Variants in COL25A1 observed in about 807,000 individuals in gnomAD.
COL25A1 encodes the protein collagen alpha-1(XXV) chain.
COL25A1 carries 103 observed loss-of-function variants against 128.4 expected under a neutral mutation model. The ratio of observed to expected loss-of-function variants is 0.80; its 90% CI spans 0.68 to 0.94. The LOEUF is 0.94. Ranked by LOEUF, COL25A1 falls within the 40% of genes least tolerant of loss-of-function variation. COL25A1 has a pLI of 0.00. For synonymous variants in COL25A1, 279 were observed against 277.2 expected, an observed-to-expected ratio of 1.01 and a Z score of -0.06; for missense variants, 745 against 840.0, an observed-to-expected ratio of 0.89 and a Z score of 1.40.
At chr4:108,853,577 T>C (rs1736092554) in intron 24 of COL25A1, among the ~76,000 whole-genome samples, 1 of 152,168 alleles carries the variant, frequency 6.6e-6, no homozygotes, top group Non-Finnish European at 1.5e-5. Flanking sequence ...GCACATTTGT[T>C]ACATAGGTAT....
At chr4:109,002,676 A>G (rs1226392330) in intron 6 of COL25A1, among the ~76,000 whole-genome samples, 2 of 152,210 alleles carry the variant, frequency 1.3e-5, no homozygotes, top group Non-Finnish European at 2.9e-5. Context: ...TGCACAATGT[A>G]TATGTATGTG....
At chr4:109,250,814 G>C (rs1780594509) in intron 3 of COL25A1, among the ~76,000 whole-genome samples, 1 of 152,142 alleles carries the variant, frequency 6.6e-6, no homozygotes, top group South Asian at 2.1e-4. Context: ...CTGTAGATCA[G>C]TCAGGTTGAC....
chr4:109,195,104 C>T (rs1233880340), intron 3 of COL25A1, among the ~76,000 whole-genome samples: 3 of 152,064 alleles, frequency 2.0e-5, no homozygotes, highest in South Asian at 2.1e-4. Flanking sequence ...TAGGTACCCA[C>T]AAAAATTTTT....
intron 3 of COL25A1, among the ~76,000 whole-genome samples, chr4:109,192,512 A>G (rs1034037595): frequency 2.6e-5 from 4 of 152,104 alleles, no homozygotes; most frequent in Admixed American, 6.6e-5. Context: ...AGTTAAAGTG[A>G]TGTCATGAGG....
intron 6 of COL25A1, among the ~76,000 whole-genome samples, chr4:108,979,064 G>A (rs1489261622): frequency 3.3e-5 from 5 of 152,054 alleles, no homozygotes; most frequent in Non-Finnish European, 7.4e-5. Context: ...ATTTATTTTA[G>A]GGCATTGTTG....
At chr4:108,850,809 A>C (rs1735679699) in intron 26 of COL25A1, among the ~76,000 whole-genome samples, 1 of 152,156 alleles carries the variant, frequency 6.6e-6, no homozygotes, top group African/African-American at 2.4e-5. Flanking sequence ...ATACACGAAT[A>C]GCAATTGGAT....
intron 3 of COL25A1, among the ~76,000 whole-genome samples, chr4:109,217,137 A>T (rs1392844299): frequency 1.3e-5 from 2 of 152,014 alleles, no homozygotes; most frequent in African/African-American, 4.8e-5. Context: ...GAAATAGACA[A>T]ATCTGACACT....
intron 3 of COL25A1, among the ~76,000 whole-genome samples, chr4:109,104,083 C>A (rs137897947): frequency 6.6e-6 from 1 of 152,072 alleles, no homozygotes; most frequent in East Asian, 1.9e-4. Context: ...TAGAAAATCA[C>A]TCTTTTTAGC....
intron 3 of COL25A1, among the ~76,000 whole-genome samples, chr4:109,094,736 A>C (rs1414942390): frequency 1.6e-4 from 24 of 152,212 alleles, no homozygotes; most frequent in Admixed American, 1.5e-3. Flanking sequence ...TTAGAATTTC[A>C]GACAATCAGT....
chr4:108,937,231 C>T (rs1037088145), intron 11 of COL25A1, among the ~76,000 whole-genome samples: 2 of 152,082 alleles, frequency 1.3e-5, no homozygotes, highest in Non-Finnish European at 2.9e-5. Flanking sequence ...TCCCGAGCCA[C>T]CAACCTAACC....
At chr4:108,909,847 C>T (rs1335973916) in intron 13 of COL25A1, among the ~76,000 whole-genome samples, 2 of 152,216 alleles carry the variant, frequency 1.3e-5, no homozygotes, top group Non-Finnish European at 2.9e-5. Context: ...TTCCCATCCT[C>T]TTTGTCTCTC....
At chr4:109,013,754 C>A (rs916219752) in intron 5 of COL25A1, among the ~76,000 whole-genome samples, 2 of 152,166 alleles carry the variant, frequency 1.3e-5, no homozygotes, top group Non-Finnish European at 2.9e-5. Context: ...ACCACGAACC[C>A]AACCGAAGGA....
At chr4:108,848,923 C>T (rs1455141787) in intron 26 of COL25A1, 120 bp from the exon 27 acceptor site, 1 of 713,728 alleles carries the variant, frequency 1.4e-6, no homozygotes, top group Non-Finnish European at 2.5e-6. Flanking sequence ...GCATCATAAC[C>T]CGAGAATATT....
chr4:108,819,174 C>A, intron 36 of COL25A1, 78 bp downstream of exon 36: 1 of 1,102,416 alleles, frequency 9.1e-7, no homozygotes, highest in Non-Finnish European at 1.3e-6. Context: ...CAGAAAGCAC[C>A]ACTTTACACT....
intron 22 of COL25A1, among the ~76,000 whole-genome samples, chr4:108,861,979 C>T (rs577771842): frequency 6.6e-6 from 1 of 152,256 alleles, no homozygotes; most frequent in East Asian, 1.9e-4. Context: ...TCATCTTGCA[C>T]ACATTTTTTT....
rs187387493 is a variant in COL25A1, at chr4:109,140,199, G to A, written c.368-90020C>T. ...TTGGGTATATACCCAGTAATGGGAT[G>A]GCTGGGTCAAATGGTATTTCTAGTT... On this transcript the variant is annotated intron_variant, in intron 3 of 37. Coordinates refer to ENST00000399132, the MANE Select transcript of COL25A1 (RefSeq NM_198721.4). 2.9e-3 allele frequency among the ~76,000 whole-genome samples: 448 copies of A among 152,248 alleles called. 4 individuals are homozygous for A. The highest frequency in any genetic ancestry group is 3.7e-3 in the Non-Finnish European group (254 of 67,998).
intron 3 of COL25A1, among the ~76,000 whole-genome samples, chr4:109,244,222 C>T (rs1578532396): frequency 6.6e-6 from 1 of 151,520 alleles, no homozygotes; most frequent in South Asian, 2.1e-4. Flanking sequence ...CGAGGTAAAC[C>T]GAATTCCCTA....
At chr4:109,059,448 T>C (rs1176402084) in intron 3 of COL25A1, among the ~76,000 whole-genome samples, 1 of 152,194 alleles carries the variant, frequency 6.6e-6, no homozygotes, top group Non-Finnish European at 1.5e-5. Context: ...AAATAGGAGA[T>C]TTAAGTCAAC....
At chr4:108,843,478 T>C (rs1483427098) in intron 30 of COL25A1, among the ~76,000 whole-genome samples, 1 of 148,138 alleles carries the variant, frequency 6.8e-6, no homozygotes, top group Admixed American at 6.6e-5. Flanking sequence ...GCATTCTGCC[T>C]TCAACATTCT....
Sources: gnomAD v4.1 joint callset for allele counts (sites outside exome capture counted in the v4.1 genomes callset) on GRCh38, gnomAD v4.1.1 for gene constraint, MANE v1.5 for transcripts, NCBI Gene and HGNC (gene_info 2026-07-23, HGNC 2026-07-21) for gene names.